SYNE1: variants seen among roughly 807,000 people sequenced by gnomAD.
SYNE1 encodes the protein spectrin repeat containing nuclear envelope protein 1.
A neutral mutation model predicts 1,111.0 loss-of-function variants in SYNE1; 616 were observed. The observed-to-expected ratio is 0.55, with a 90% confidence interval of 0.52 to 0.59. The LOEUF (loss-of-function observed/expected upper bound fraction) is 0.59. SYNE1 is among the 20% of genes least tolerant of loss of function. The probability of loss-of-function intolerance (pLI) is 0.00; values close to 1 mark genes in which losing one functional copy is unlikely to be tolerated. For missense variants in SYNE1, 10,006 were observed against 10,417.0 expected (o/e 0.96, Z 1.72); for synonymous variants, 3,855 against 3,825.8 (o/e 1.01, Z -0.28).
chr6:152,510,243 T>C lies in SYNE1; in HGVS notation c.531A>G (p.Gln177=), dbSNP rs780327523. The change falls in exon 8 of 146, where the codon CAA becomes CAG. Residue 177 remains glutamine, a synonymous_variant. Transcript: ENST00000367255. ...PSKRKVTTKI[Q]GNAKKALLKW... is the part of the protein sequence containing the mutation. ...TTAATAAAGCCTTCTTAGCATTTCC[T>C]TGGATCTTGGTGGTCACCTTCCGTT... 6 of 1,613,974 alleles carry C rather than the reference T, an allele frequency of 3.7e-6. No individual in the cohort carries two copies. In the South Asian group the frequency reaches 6.6e-5, roughly 18 times the overall value.
At chr6:152,240,939 T>G (rs1175319190) in intron 107 of SYNE1, among the ~76,000 whole-genome samples, 1 of 152,146 alleles carries the variant, frequency 6.6e-6, no homozygotes, top group African/African-American at 2.4e-5. Context: ...AATTACCAAA[T>G]CAGAGTCCTA....
Position 152,385,813 on chromosome 6 carries a change from A to G in SYNE1, c.8513T>C (p.Ile2838Thr), listed in dbSNP as rs757768993. The change falls in exon 55 of 146, where the codon ATT becomes ACT. Residue 2838 changes from isoleucine to threonine, a missense_variant. Around this residue, in one of 7 missense-constraint regions of SYNE1, gnomAD observed 4,955 missense variants for 5,017.2 expected, o/e 0.99. Coordinates refer to ENST00000367255, the MANE Select transcript of SYNE1 (RefSeq NM_182961.4). ...TAAATACATTAGATGATCTTTCACA[A>G]TCTCTTCCACTTTCCTCATTTTTTC... ...AKEKMRKVEE[I>T]VKDHLMYLDA... The G allele has an allele frequency of 1.2e-6, 2 of 1,614,114 alleles. No individual in the cohort carries two copies. Among genetic ancestry groups the G allele is most frequent in the South Asian group, 2.2e-5 (2 of 91,086 alleles).
At chr6:152,632,193 A>C (rs77983454) in intron 2 of SYNE1, among the ~76,000 whole-genome samples, 21 of 152,170 alleles carry the variant, frequency 1.4e-4, no homozygotes, top group African/African-American at 4.8e-4. Flanking sequence ...ATTGACACCA[A>C]GTATATCCCT....
chr6:152,443,304 G>A (rs1260785785), intron 30 of SYNE1, among the ~76,000 whole-genome samples: 5 of 152,078 alleles, frequency 3.3e-5, no homozygotes, highest in South Asian at 2.1e-4. Flanking sequence ...TTGCTCTGTC[G>A]CCCAGGCTGG....
chr6:152,407,229 G>A (rs1280096877), intron 44 of SYNE1, 33 bp from the exon 45 acceptor site: 4 of 1,606,374 alleles, frequency 2.5e-6, no homozygotes, highest in Admixed American at 3.3e-5. Flanking sequence ...GGCATTCATA[G>A]TCAGAGGCGT....
chr6:152,466,745 G>A (rs1418044615), intron 16 of SYNE1, among the ~76,000 whole-genome samples: 1 of 151,886 alleles, frequency 6.6e-6, no homozygotes, highest in Non-Finnish European at 1.5e-5. Flanking sequence ...TGTTATTATT[G>A]TTCATTTTTA....
Position 152,344,245 on chromosome 6 carries a change from T to A in SYNE1, c.12079-18A>T, listed in dbSNP as rs2096591402. 4.3e-6 allele frequency: 7 copies of A among 1,614,094 alleles called. No individual in the cohort carries two copies. The highest frequency in any genetic ancestry group is 5.9e-6 in the Non-Finnish European group (7 of 1,179,968). On this transcript the variant is annotated intron_variant, in intron 73 of 145. Coordinates refer to ENST00000367255, the MANE Select transcript of SYNE1 (RefSeq NM_182961.4). ...TGGTACATCTGAGACAATACAATCA[T>A]GCTGAGATTATGAGAACTGCTTTCT...
At chr6:152,568,289 C>CTTTTTTTTTTTTT (rs10601350) in intron 3 of SYNE1, among the ~76,000 whole-genome samples, 7 of 80,310 alleles carry the variant, frequency 8.7e-5, no homozygotes, top group Admixed American at 1.7e-4. Flanking sequence ...TTATTTTATT[C>CTTTTTTTTTTTTT]TTTTTTTTTT....
intron 64 of SYNE1, among the ~76,000 whole-genome samples, chr6:152,361,289 A>G (rs1262417326): frequency 6.6e-6 from 1 of 152,238 alleles, no homozygotes; most frequent in East Asian, 1.9e-4. Context: ...TTCCATTCTT[A>G]CAAACCAGGT....
chr6:152,498,736 T>C lies in SYNE1; in HGVS notation c.939+6A>G, dbSNP rs758784599. ...GGTCATCAATGCAAGATTACTTAAATCTTACCTTAAAATTTTGTACAGAAT... is the reference window on the plus strand; with the variant it reads ...GGTCATCAATGCAAGATTACTTAAACCTTACCTTAAAATTTTGTACAGAAT... On this transcript the variant is annotated splice_donor_region_variant and intron_variant, in intron 11 of 145. Transcript: ENST00000367255. The C allele has an allele frequency of 4.5e-6, 7 of 1,551,208 alleles. No individual in the cohort carries two copies. The Admixed American group carries it at 1.1e-4, about 23-fold the overall frequency.
intron 6 of SYNE1, 107 bp from the exon 7 acceptor site, chr6:152,511,210 C>T (rs1188618283): frequency 4.0e-6 from 4 of 990,938 alleles, no homozygotes; most frequent in Non-Finnish European, 6.3e-6. Context: ...TTGATCATGC[C>T]TATGTAATAG....
intron 140 of SYNE1, among the ~76,000 whole-genome samples, chr6:152,137,561 A>G (rs930080296): frequency 1.3e-5 from 2 of 152,162 alleles, no homozygotes; most frequent in African/African-American, 4.8e-5. Context: ...GCATTTCCAA[A>G]ACACCCAGTG....
chr6:152,347,137 C>A lies in SYNE1; in HGVS notation c.12000G>T (p.Ala4000=), dbSNP rs148493518. 2 of 1,614,154 alleles carry A rather than the reference C, an allele frequency of 1.2e-6. No individual in the cohort carries two copies. The highest frequency in any genetic ancestry group is 1.7e-6 in the Non-Finnish European group (2 of 1,180,024). The change falls in exon 73 of 146, where the codon GCG becomes GCT. Residue 4000 remains alanine (A), a synonymous_variant. Coordinates refer to ENST00000367255, the MANE Select transcript of SYNE1 (RefSeq NM_182961.4). ...LIGQCADHLQ[A]KLKQNVHAHL... ...GAGCATGCACGTTTTGTTTAAGTTT[C>A]GCTTGCAGGTGGTCTGCACATTGGC...
rs768462825 is a variant in SYNE1, at chr6:152,156,019, A to C, written c.23869T>G (p.Cys7957Gly). 1.9e-6 allele frequency: 3 copies of C among 1,614,080 alleles called. No individual in the cohort carries two copies. In the African/African-American group the frequency reaches 4.0e-5, roughly 22 times the overall value. Reference protein sequence around the residue: ...LNLCEVLLHDCDACATDAECD... With the variant: ...LNLCEVLLHDGDACATDAECD... Reference sequence around the variant, plus strand: ...TCGGCATCAGTGGCACAGGCGTCACAGTCGTGCAGCAGGACTTCACACAGG... The same window carrying C: ...TCGGCATCAGTGGCACAGGCGTCACCGTCGTGCAGCAGGACTTCACACAGG... The change falls in exon 132 of 146, where the codon TGT becomes GGT. Residue 7957 changes from cysteine (C) to glycine (G), a missense_variant. Physicochemically the swap from Cys to Gly is radical, Grantham distance 159. This residue lies in a region of SYNE1 where 2,182 missense variants were observed against 2,287.8 expected (regional missense o/e 0.95). Coordinates refer to ENST00000367255, the MANE Select transcript of SYNE1 (RefSeq NM_182961.4).
At chr6:152,363,333 A>G (rs1419788785) in intron 63 of SYNE1, among the ~76,000 whole-genome samples, 4 of 148,916 alleles carry the variant, frequency 2.7e-5, no homozygotes, top group Non-Finnish European at 4.5e-5. Flanking sequence ...TCTCTACTAA[A>G]AATACAAAAA....
intron 127 of SYNE1, among the ~76,000 whole-genome samples, chr6:152,197,891 A>G (rs1176741695): frequency 2.0e-5 from 3 of 152,152 alleles, no homozygotes; most frequent in Non-Finnish European, 2.9e-5. Flanking sequence ...GAAGCTTTCG[A>G]GCCAGGCATT....
At chr6:152,137,432 G>T (rs1429118822) in intron 140 of SYNE1, among the ~76,000 whole-genome samples, 2 of 152,154 alleles carry the variant, frequency 1.3e-5, no homozygotes, top group African/African-American at 4.8e-5. Context: ...TGGCCCACAG[G>T]CTGAGAATAC....
intron 14 of SYNE1, chr6:152,478,585 T>G (rs2154289403): frequency 6.6e-6 from 1 of 152,452 alleles, no homozygotes; most frequent in South Asian, 2.1e-4. Context: ...TGGGTTGATG[T>G]GGCCGTGGGA....
intron 21 of SYNE1, among the ~76,000 whole-genome samples, chr6:152,459,647 C>T (rs1255691445): frequency 6.6e-6 from 1 of 152,156 alleles, no homozygotes; most frequent in African/African-American, 2.4e-5. Flanking sequence ...AGGCCACTAG[C>T]TCCTGGAAAT....
Sources: allele counts gnomAD v4.1 joint callset (sites outside exome capture counted in the v4.1 genomes callset), GRCh38; gene constraint gnomAD v4.1.1; regional missense constraint gnomAD v4.1.1; transcripts MANE v1.5; gene names NCBI Gene and HGNC (gene_info 2026-07-23, HGNC 2026-07-21).